The following VPS13A variants were observed in gnomAD, a reference collection of about 807,000 sequenced individuals.
The protein encoded by VPS13A is vacuolar protein sorting 13 homolog A.
A neutral mutation model predicts 390.9 loss-of-function variants in VPS13A; 264 were observed. That is an observed-to-expected ratio of 0.68 (90% CI 0.61 to 0.75). VPS13A has a LOEUF of 0.75. Among genes scored for constraint, VPS13A ranks in the 30% least tolerant of loss-of-function variants. The pLI is 0.00. For missense variants in VPS13A, 3,409 were observed against 3,733.9 expected, an observed-to-expected ratio of 0.91 and a Z score of 2.27; for synonymous variants, 1,231 against 1,227.1, an observed-to-expected ratio of 1.00 and a Z score of -0.07.
At chr9:77,191,040 T>G (rs1005325459) in intron 1 of VPS13A, among the ~76,000 whole-genome samples, 3 of 151,996 alleles carry the variant, frequency 2.0e-5, no homozygotes, top group African/African-American at 7.2e-5. Flanking sequence ...GTATTTTTTT[T>G]GTTCAGTTCA....
In VPS13A at chr9:77,410,319, C is replaced by T. The variant is rs540476736; in HGVS notation, c.9474+2712C>T. ...AGCACTAGACATGGAAAGGAACAACCGGTACCAGCCACTGCAAAAACATGC... is the reference window on the plus strand; with the variant it reads ...AGCACTAGACATGGAAAGGAACAACTGGTACCAGCCACTGCAAAAACATGC... On this transcript the variant is annotated intron_variant, in intron 71 of 71. Transcript: ENST00000360280. Among the ~76,000 whole-genome samples the T allele has an allele frequency of 1.4e-3, 219 of 152,064 alleles. 5 individuals carry two copies. The highest frequency in any genetic ancestry group is 1.0e-2 in the South Asian group (48 of 4,804).
At chr9:77,376,370 C>T (rs1015718132) in intron 67 of VPS13A, among the ~76,000 whole-genome samples, 2 of 152,120 alleles carry the variant, frequency 1.3e-5, no homozygotes, top group African/African-American at 4.8e-5. Flanking sequence ...TGTGAGCTGG[C>T]TGCTGCATTG....
At chr9:77,215,906 G>C (rs1440729191) in intron 10 of VPS13A, among the ~76,000 whole-genome samples, 16 of 152,212 alleles carry the variant, frequency 1.1e-4, no homozygotes. Flanking sequence ...AACTGCCTTA[G>C]CAAGGTGCTG....
At position 77,421,062 on chromosome 9, in the gene VPS13A, A is replaced by G. The variant is rs1297566136; in HGVS notation, c.*5056A>G. The G allele has an allele frequency of 2.6e-5, 4 of 152,246 alleles. No homozygotes were observed. The highest frequency in any genetic ancestry group is 2.6e-4 in the Admixed American group (4 of 15,286). The allele number at this position is 152,246 out of a possible 1,614,324, so 9.4% of individuals were successfully genotyped here. The stretch of plus-strand genomic sequence containing the variant: ...ATGTGACTGTGTATTACATATAAAA[A>G]TGAATTTTTCAGGAAAAGTGCACTT... On this transcript the variant is annotated 3_prime_UTR_variant, in exon 72 of 72. Coordinates refer to ENST00000360280, the MANE Select transcript of VPS13A (RefSeq NM_033305.3).
At chr9:77,323,279 A>G (rs764712950) in intron 45 of VPS13A, 52 bp downstream of exon 45, 2 of 1,587,636 alleles carry the variant, frequency 1.3e-6, no homozygotes, top group Non-Finnish European at 1.7e-6. Flanking sequence ...TCTGTGTGCT[A>G]ATAAAATTAA....
At chr9:77,295,914 C>A in intron 33 of VPS13A, 68 bp downstream of exon 33, 1 of 1,454,752 alleles carries the variant, frequency 6.9e-7, no homozygotes, top group Non-Finnish European at 9.5e-7. Context: ...ACTTTGATGT[C>A]TTGAGTAGTC....
At chr9:77,310,847 T>C (rs1348118823) in intron 35 of VPS13A, among the ~76,000 whole-genome samples, 1 of 152,162 alleles carries the variant, frequency 6.6e-6, no homozygotes, top group African/African-American at 2.4e-5. Flanking sequence ...TTAATCGTTT[T>C]CTTCTGGAAA....
At chr9:77,366,614 C>A in intron 60 of VPS13A, 113 bp from the exon 61 acceptor site, 2 of 924,542 alleles carry the variant, frequency 2.2e-6, no homozygotes, top group Non-Finnish European at 3.3e-6. Flanking sequence ...ATCCAGATAA[C>A]TTTGAAATCT....
chr9:77,377,203 GTTTTT>G (rs61562443), intron 67 of VPS13A, among the ~76,000 whole-genome samples: 359 of 68,952 alleles, frequency 5.2e-3, no homozygotes, highest in South Asian at 0.013. Context: ...TTTTGATGCT[GTTTTT>G]TTTTTTTTTT....
At chr9:77,210,187 C>CTCTTTCTCTCTT (rs1432905378) in intron 6 of VPS13A, among the ~76,000 whole-genome samples, 1 of 128,838 alleles carries the variant, frequency 7.8e-6, no homozygotes, top group African/African-American at 3.0e-5. Flanking sequence ...CTCTCTCTTT[C>CTCTTTCTCTCTT]TCTTTCTCTC....
Position 77,177,690 on chromosome 9 carries a change from C to T in VPS13A, c.-15C>T, listed in dbSNP as rs750571499. 1 of 1,611,760 alleles carries T rather than the reference C, an allele frequency of 6.2e-7. No homozygotes were observed. The highest frequency in any genetic ancestry group is 8.5e-7 in the Non-Finnish European group (1 of 1,178,588). ...GCGCACGGGCCGGCTGCCGTGCCCACCACGGCTGAGGAACATGGTTTTCGA... is the reference window on the plus strand; with the variant it reads ...GCGCACGGGCCGGCTGCCGTGCCCATCACGGCTGAGGAACATGGTTTTCGA... On this transcript the variant is annotated 5_prime_UTR_variant, in exon 1 of 72. Transcript: ENST00000360280.
chr9:77,283,848 T>A (rs1009199669), intron 31 of VPS13A, among the ~76,000 whole-genome samples, 198 bp downstream of exon 31: 1 of 152,182 alleles, frequency 6.6e-6, no homozygotes, highest in East Asian at 1.9e-4. Context: ...TACCTAATCT[T>A]GGACTCTGTT....
intron 52 of VPS13A, among the ~76,000 whole-genome samples, chr9:77,350,582 A>G (rs1009695594): frequency 3.3e-5 from 5 of 152,188 alleles, no homozygotes; most frequent in Admixed American, 2.0e-4. Context: ...TCAAAATTGT[A>G]TAGGTATTGT....
chr9:77,288,881 T>G (rs1827492835), intron 31 of VPS13A, among the ~76,000 whole-genome samples: 1 of 152,188 alleles, frequency 6.6e-6, no homozygotes, highest in Non-Finnish European at 1.5e-5. Flanking sequence ...AGTTTTTTGC[T>G]TTGTATGTTT....
chr9:77,349,140 C>T (rs1261603552), intron 52 of VPS13A, among the ~76,000 whole-genome samples: 2 of 151,908 alleles, frequency 1.3e-5, no homozygotes, highest in East Asian at 1.9e-4. Flanking sequence ...GACCATAATC[C>T]CTGTAATCCA....
intron 1 of VPS13A, among the ~76,000 whole-genome samples, chr9:77,178,356 T>C (rs1257924525): frequency 7.9e-5 from 12 of 152,182 alleles, no homozygotes; most frequent in Non-Finnish European, 1.5e-4. Context: ...TGCTTTCTGC[T>C]CTCCCCCTTC....
intron 67 of VPS13A, among the ~76,000 whole-genome samples, chr9:77,372,278 A>G (rs1587680354): frequency 6.6e-6 from 1 of 151,356 alleles, no homozygotes; most frequent in African/African-American, 2.4e-5. Context: ...ACAGTGTAAA[A>G]GTTTTCCTAT....
At chr9:77,359,308 G>C in intron 57 of VPS13A, 25 bp from the exon 58 acceptor site, 1 of 1,602,700 alleles carries the variant, frequency 6.2e-7, no homozygotes. Context: ...CATCATGGGA[G>C]TAATTATATT....
chr9:77,211,313 A>G (rs1275376878), intron 7 of VPS13A: 2 of 152,112 alleles, frequency 1.3e-5, no homozygotes, highest in Non-Finnish European at 2.9e-5. Context: ...AAACTTTTAT[A>G]TAATATATCT....
Sources: allele counts gnomAD v4.1 joint callset (sites outside exome capture counted in the v4.1 genomes callset), GRCh38; gene constraint gnomAD v4.1.1; transcripts MANE v1.5; gene names NCBI Gene and HGNC (gene_info 2026-07-23, HGNC 2026-07-21).